Variants in RBPJ observed in about 807,000 individuals in gnomAD.
The protein encoded by RBPJ is recombination signal binding protein for immunoglobulin kappa J region.
RBPJ carries 9 observed loss-of-function variants against 67.8 expected under a neutral mutation model. The ratio of observed to expected loss-of-function variants is 0.13; its 90% CI spans 0.08 to 0.23. The LOEUF (loss-of-function observed/expected upper bound fraction) is 0.23, where lower values mean the gene tolerates loss of function less well. Ranked by LOEUF, RBPJ falls within the 10% of genes least tolerant of loss-of-function variation. RBPJ has a pLI of 1.00. For missense variants in RBPJ, 305 were observed against 595.6 expected (o/e 0.51, Z 5.08); for synonymous variants, 198 against 203.3 (o/e 0.97, Z 0.22).
intron 1 of RBPJ, among the ~76,000 whole-genome samples, chr4:26,174,700 C>T (rs1279434233): frequency 6.6e-6 from 1 of 152,054 alleles, no homozygotes; most frequent in Non-Finnish European, 1.5e-5. Flanking sequence ...GAACTCCTGA[C>T]CTCAGGTGAT....
intron 2 of RBPJ, among the ~76,000 whole-genome samples, chr4:26,393,047 G>A (rs527790512): frequency 3.9e-5 from 6 of 152,152 alleles, no homozygotes; most frequent in East Asian, 1.9e-4. Context: ...GGGTTTCACC[G>A]TGTTGGCCAG....
At chr4:26,208,758 T>C (rs1432480164) in intron 1 of RBPJ, among the ~76,000 whole-genome samples, 2 of 152,154 alleles carry the variant, frequency 1.3e-5, no homozygotes, top group African/African-American at 4.8e-5. Context: ...TCCATGTAAA[T>C]AGACATTGCT....
At chr4:26,231,851 A>G (rs541484021) in intron 1 of RBPJ, among the ~76,000 whole-genome samples, 1 of 150,588 alleles carries the variant, frequency 6.6e-6, no homozygotes, top group African/African-American at 2.4e-5. Context: ...GCCTGACCTT[A>G]TGCTTTATTT....
Position 26,420,749 on chromosome 4 carries a change from C to T in RBPJ, c.496+24C>T, listed in dbSNP as rs201018262. On this transcript the variant is annotated intron_variant, in intron 5 of 10. Coordinates refer to ENST00000355476, the MANE Select transcript of RBPJ (RefSeq NM_015874.6). ...CTGTATGTATGCTTTTCTTATTTAT[C>T]CCCAACTGCCACCATGAATTAATAA... 1.3e-5 allele frequency: 20 copies of T among 1,544,686 alleles called. 1 individual carries two copies. The East Asian group carries it at 4.7e-4, about 36-fold the overall frequency.
At position 26,415,507 on chromosome 4, in the gene RBPJ, T is replaced by C. The variant is rs771216421; in HGVS notation, c.188T>C (p.Met63Thr). The change falls in exon 4 of 11, where the codon ATG becomes ACG. Residue 63 changes from methionine (M) to threonine (T), a missense_variant. Coordinates refer to ENST00000355476, the MANE Select transcript of RBPJ (RefSeq NM_015874.6). ...FFCPPPCVYLMGSGWKKKKEQ... is the reference protein window; with the variant it reads ...FFCPPPCVYLTGSGWKKKKEQ... ...TGCCCACCTCCTTGTGTATATCTTA[T>C]GGGCAGTGGATGGAAGAAAAAAAAA... 5.0e-6 allele frequency: 8 copies of C among 1,612,146 alleles called. No individual in the cohort carries two copies. The highest frequency in any genetic ancestry group is 5.9e-6 in the Non-Finnish European group (7 of 1,179,214).
Position 26,429,900 on chromosome 4 carries a change from C to T in RBPJ, c.891C>T (p.Ala297=), listed in dbSNP as rs2109839146. 3 of 1,611,882 alleles carry T rather than the reference C, an allele frequency of 1.9e-6. 1 individual carries two copies. The South Asian group carries it at 3.3e-5, about 18-fold the overall frequency. ...TTCTAAACTTCTTTCTTTATTAGGC[C>T]ACTCCATGTCCAAAAGAACCAAATA... ...LSQERIIQFQ[A]TPCPKEPNKE... Residue 297 remains alanine (A), a splice_region_variant and synonymous_variant, in exon 9 of 11, where the codon GCC becomes GCT. Coordinates refer to ENST00000355476, the MANE Select transcript of RBPJ (RefSeq NM_015874.6).
chr4:26,400,660 TGAAA>T (rs1732681405), intron 2 of RBPJ, among the ~76,000 whole-genome samples: 1 of 152,248 alleles, frequency 6.6e-6, no homozygotes, highest in South Asian at 2.1e-4. Context: ...TTTTTACTGT[TGAAA>T]GAAGCTATTT....
intron 1 of RBPJ, among the ~76,000 whole-genome samples, chr4:26,382,047 T>C (rs1407607260): frequency 6.6e-6 from 1 of 152,282 alleles, no homozygotes; most frequent in South Asian, 2.1e-4. Context: ...TGATTTTTTT[T>C]CCCATTGTTA....
At chr4:26,221,691 A>G (rs796342262) in intron 1 of RBPJ, among the ~76,000 whole-genome samples, 6 of 152,304 alleles carry the variant, frequency 3.9e-5, no homozygotes, top group African/African-American at 1.4e-4. Flanking sequence ...TAAAAAGAGC[A>G]CCCAGTTGGT....
At chr4:26,227,670 A>G (rs905656001) in intron 1 of RBPJ, among the ~76,000 whole-genome samples, 4 of 152,204 alleles carry the variant, frequency 2.6e-5, no homozygotes, top group African/African-American at 9.7e-5. Flanking sequence ...GGCCCAGGGT[A>G]CATGACCATA....
chr4:26,339,684 A>G (rs957987474), intron 1 of RBPJ, among the ~76,000 whole-genome samples: 1 of 151,880 alleles, frequency 6.6e-6, no homozygotes, highest in Non-Finnish European at 1.5e-5. Context: ...GTGTAAAAGT[A>G]ACACTCCAAA....
chr4:26,286,283 A>G (rs958324199), intron 1 of RBPJ, among the ~76,000 whole-genome samples: 18 of 152,094 alleles, frequency 1.2e-4, no homozygotes, highest in African/African-American at 4.1e-4. Flanking sequence ...GTTTGAGAGC[A>G]GCCAGGGCAA....
chr4:26,214,996 G>A (rs1200642142), intron 1 of RBPJ, among the ~76,000 whole-genome samples: 30 of 39,836 alleles, frequency 7.5e-4, no homozygotes, highest in Non-Finnish European at 9.9e-4. Context: ...GGGAGGGAGG[G>A]AGGGAAGGAA....
the RBPJ span, among the ~76,000 whole-genome samples, chr4:26,157,766 C>T: frequency 6.6e-6 from 1 of 152,190 alleles, no homozygotes; most frequent in Non-Finnish European, 1.5e-5. Context: ...TAAGCATAGG[C>T]ACACTGGGGT....
At chr4:26,425,460 CAA>C (rs112277202) in intron 7 of RBPJ, among the ~76,000 whole-genome samples, 1 of 148,136 alleles carries the variant, frequency 6.8e-6, no homozygotes, top group African/African-American at 2.5e-5. Context: ...CCCGCCCCCC[CAA>C]AAAAAAAATT....
chr4:26,305,775 T>TC (rs1374053454), intron 1 of RBPJ, among the ~76,000 whole-genome samples: 10 of 127,260 alleles, frequency 7.9e-5, no homozygotes, highest in Admixed American at 3.9e-4. Flanking sequence ...TCTTTTCTTT[T>TC]TTTTTTTTTT....
rs138763265 is a variant in RBPJ at position 26,430,998 on chromosome 4, G to A, written c.1455G>A (p.Val485=). ...GTGTCACATCATCTACAGCCACAGT[G>A]GTATCCTAACTACCGTCTTTTTGCT... is the stretch of plus-strand genomic sequence containing the variant. The part of the protein sequence containing the change: ...STSVTSSTAT[V]VS The change falls in exon 11 of 11, where the codon GTG becomes GTA. Residue 485 remains valine (V), a synonymous_variant. Transcript: ENST00000355476. The surrounding 1 kb of genome is among the most constrained non-coding windows in gnomAD (Gnocchi z 4.1). 1.2e-6 allele frequency: 2 copies of A among 1,612,954 alleles called. No individual in the cohort carries two copies. The highest frequency in any genetic ancestry group is 2.7e-5 in the African/African-American group (2 of 74,802).
intron 1 of RBPJ, among the ~76,000 whole-genome samples, chr4:26,310,762 C>T (rs185865579): frequency 6.1e-4 from 93 of 151,576 alleles, no homozygotes; most frequent in Non-Finnish European, 8.7e-4. Context: ...CTCCGCCTCC[C>T]GGGCTCAAGT....
At chr4:26,251,909 G>T (rs1183681691) in intron 1 of RBPJ, among the ~76,000 whole-genome samples, 1 of 150,372 alleles carries the variant, frequency 6.7e-6, no homozygotes, top group African/African-American at 2.4e-5. Context: ...AGCCGCAATG[G>T]AAAAGTCAAT....
Sources: allele counts gnomAD v4.1 joint callset (sites outside exome capture counted in the v4.1 genomes callset), GRCh38; gene constraint gnomAD v4.1.1; non-coding constraint Gnocchi (gnomAD v3.1); transcripts MANE v1.5; gene names NCBI Gene and HGNC (gene_info 2026-07-23, HGNC 2026-07-21).